The following AMOTL1 variants were observed in gnomAD, a reference collection of about 807,000 sequenced individuals.
AMOTL1 encodes the protein angiomotin like 1.
In AMOTL1, 45 loss-of-function variants were observed where a neutral mutation model predicts 102.9. That is an observed-to-expected ratio of 0.44 (90% CI 0.34 to 0.56). The LOEUF is 0.56. AMOTL1 is among the 20% of genes least tolerant of loss of function. The pLI, the probability that AMOTL1 is intolerant of heterozygous loss-of-function variation, is 0.01. For missense variants in AMOTL1, 1,114 were observed against 1,225.6 expected (o/e 0.91, Z 1.36); for synonymous variants, 481 against 484.7 (o/e 0.99, Z 0.10).
intron 1 of AMOTL1, among the ~76,000 whole-genome samples, chr11:94,779,669 C>G (rs1291464776): frequency 6.6e-6 from 1 of 152,184 alleles, no homozygotes; most frequent in Middle Eastern, 3.4e-3. Context: ...GATCAACACC[C>G]ACAGAATAGG....
rs185458647 is a variant in AMOTL1, at chr11:94,853,145, A to G, written c.1795-788A>G. On this transcript the variant is annotated intron_variant, in intron 7 of 12. Transcript: ENST00000433060. ...ATTCTATCTATTTTATGCTATTTTT[A>G]GTTTTACTTTAAGTTCCAGGATACA... Among the ~76,000 whole-genome samples, 5 of 152,192 alleles carry G rather than the reference A, an allele frequency of 3.3e-5. No homozygotes were observed. The East Asian group carries it at 9.6e-4, about 29-fold the overall frequency.
intron 1 of AMOTL1, among the ~76,000 whole-genome samples, chr11:94,787,583 G>C (rs1205379392): frequency 1.3e-5 from 2 of 150,556 alleles, no homozygotes; most frequent in Non-Finnish European, 2.9e-5. Context: ...AGCTACACGG[G>C]AGGCTGAGGC....
At chr11:94,726,467 A>T (rs114757398) in intron 1 of AMOTL1, among the ~76,000 whole-genome samples, 1,909 of 152,284 alleles carry the variant, frequency 0.013, 46 homozygotes, top group African/African-American at 0.043. Context: ...AGTTCTAAAA[A>T]AGTGATTCTC....
At chr11:94,835,450 A>G (rs1346100363) in intron 6 of AMOTL1, among the ~76,000 whole-genome samples, 3 of 152,208 alleles carry the variant, frequency 2.0e-5, no homozygotes, top group African/African-American at 7.2e-5. Context: ...ACTTTTTAAA[A>G]CTGTTTCTTT....
intron 4 of AMOTL1, among the ~76,000 whole-genome samples, chr11:94,828,386 T>G (rs922238274): frequency 6.6e-6 from 1 of 152,104 alleles, no homozygotes; most frequent in African/African-American, 2.4e-5. Flanking sequence ...CTACCTCCTC[T>G]CCCATAAACC....
intron 4 of AMOTL1, among the ~76,000 whole-genome samples, chr11:94,823,359 G>C (rs1951902880): frequency 6.6e-6 from 1 of 152,158 alleles, no homozygotes; most frequent in Admixed American, 6.5e-5. Context: ...CCTAAAGATT[G>C]TGGCCTCACT....
chr11:94,745,112 G>C (rs1378151598), intron 3 of AMOTL1, among the ~76,000 whole-genome samples: 1 of 151,710 alleles, frequency 6.6e-6, no homozygotes, highest in East Asian at 1.9e-4. Context: ...ACAACATGCA[G>C]GTTTGTTACA....
rs1953055040 is a variant in AMOTL1 at position 94,874,132 on chromosome 11, G to C, written c.*3337G>C. ...CTGTGTGCTGCCAGGATATTATATG[G>C]AACTGGAGAAGTTGGAGTCAGGTCT... is the stretch of plus-strand genomic sequence containing the variant. On this transcript the variant is annotated 3_prime_UTR_variant, in exon 13 of 13. Transcript: ENST00000433060. The C allele has an allele frequency of 6.6e-6, 1 of 152,242 alleles. No individual in the cohort carries two copies. The highest frequency in any genetic ancestry group is 2.1e-4 in the South Asian group (1 of 4,828). The allele number at this position is 152,242 out of a possible 1,614,324, so 9.4% of individuals were successfully genotyped here.
chr11:94,865,529 C>T (rs12418312), intron 10 of AMOTL1, among the ~76,000 whole-genome samples: 1 of 152,058 alleles, frequency 6.6e-6, no homozygotes, highest in South Asian at 2.1e-4. Context: ...CATCTTGGTT[C>T]TTTTTTCTTA....
At chr11:94,756,806 C>T (rs1009937915) in intron 3 of AMOTL1, among the ~76,000 whole-genome samples, 7 of 152,164 alleles carry the variant, frequency 4.6e-5, no homozygotes, top group African/African-American at 1.4e-4. Context: ...AGAAACATTT[C>T]ACTTAAAATT....
chr11:94,758,222 T>C (rs1288041420), intron 3 of AMOTL1, among the ~76,000 whole-genome samples: 2 of 152,240 alleles, frequency 1.3e-5, no homozygotes, highest in Non-Finnish European at 2.9e-5. Context: ...CAGTGCCTAA[T>C]GTCTGGAGAG....
chr11:94,794,367 AC>A (rs1475393928), intron 1 of AMOTL1, among the ~76,000 whole-genome samples: 1 of 152,184 alleles, frequency 6.6e-6, no homozygotes, highest in Non-Finnish European at 1.5e-5. Context: ...AGGACTGAAC[AC>A]AGTGTCACAT....
intron 2 of AMOTL1, chr11:94,797,024 A>G: frequency 2.0e-6 from 2 of 985,394 alleles, no homozygotes; most frequent in Non-Finnish European, 2.4e-6. Context: ...TAAAAAGGTC[A>G]GAAGTGAATA....
chr11:94,870,621 T>C lies in AMOTL1; in HGVS notation c.2765-68T>C, dbSNP rs558183850. The stretch of plus-strand genomic sequence containing the variant: ...AGTGGTATCGGACGTGGGTCCATTT[T>C]AGAGAACCTGGAAAGCCTATGCCCC... On this transcript the variant is annotated intron_variant, in intron 12 of 12. Coordinates refer to ENST00000433060, the MANE Select transcript of AMOTL1 (RefSeq NM_130847.3). 4 of 1,311,040 alleles carry C rather than the reference T, an allele frequency of 3.1e-6. No homozygotes were observed. In the Admixed American group the frequency reaches 6.8e-5, roughly 22 times the overall value. 81.2% of individuals were successfully genotyped at this position (1,311,040 alleles called of 1,614,324 possible).
intron 1 of AMOTL1, among the ~76,000 whole-genome samples, chr11:94,727,813 G>A (rs900081130): frequency 2.0e-5 from 3 of 152,148 alleles, no homozygotes; most frequent in Non-Finnish European, 2.9e-5. Context: ...ACCCAATAAA[G>A]TGCACTACAT....
intron 2 of AMOTL1, among the ~76,000 whole-genome samples, chr11:94,730,200 C>A (rs952129011): frequency 1.3e-5 from 2 of 152,180 alleles, no homozygotes; most frequent in African/African-American, 4.8e-5. Flanking sequence ...CCTTCCAGAT[C>A]TGACCTCTGC....
chr11:94,820,924 G>A (rs1378853154), intron 3 of AMOTL1, among the ~76,000 whole-genome samples: 1 of 152,238 alleles, frequency 6.6e-6, no homozygotes, highest in Non-Finnish European at 1.5e-5. Flanking sequence ...GGGAATGGCT[G>A]TAAATATAGA....
At chr11:94,794,821 C>G (rs1480859721) in intron 1 of AMOTL1, among the ~76,000 whole-genome samples, 190 bp from the exon 2 acceptor site, 1 of 152,154 alleles carries the variant, frequency 6.6e-6, no homozygotes, top group Admixed American at 6.5e-5. Context: ...CCTCACGGGT[C>G]ATTTTGGTGG....
chr11:94,725,918 A>G (rs1244604796), intron 1 of AMOTL1, among the ~76,000 whole-genome samples: 1 of 152,214 alleles, frequency 6.6e-6, no homozygotes, highest in Non-Finnish European at 1.5e-5. Flanking sequence ...TGCTTTAAAA[A>G]TACTACTACA....
Sources: allele counts gnomAD v4.1 joint callset (sites outside exome capture counted in the v4.1 genomes callset), GRCh38; gene constraint gnomAD v4.1.1; transcripts MANE v1.5; gene names NCBI Gene and HGNC (gene_info 2026-07-23, HGNC 2026-07-21).